The following CPAMD8 variants were observed in gnomAD, a reference collection of about 807,000 sequenced individuals.
CPAMD8 encodes the protein C3 and PZP like alpha-2-macroglobulin domain containing 8.
CPAMD8 carries 146 observed loss-of-function variants against 224.7 expected under a neutral mutation model. The ratio of observed to expected loss-of-function variants is 0.65; its 90% CI spans 0.57 to 0.75. The LOEUF (loss-of-function observed/expected upper bound fraction) is 0.75. Among genes scored for constraint, CPAMD8 ranks in the 30% least tolerant of loss-of-function variants. CPAMD8 has a pLI of 0.00. For synonymous variants in CPAMD8, 966 were observed against 1,044.6 expected, an observed-to-expected ratio of 0.92 and a Z score of 1.45; for missense variants, 2,301 against 2,537.5, an observed-to-expected ratio of 0.91 and a Z score of 2.00.
chr19:17,002,451 CCACCACCGAGGTTGA>C (rs2056358814), intron 8 of CPAMD8, 101 bp from the exon 9 acceptor site: 9 of 736,930 alleles, frequency 1.2e-5, no homozygotes, highest in Non-Finnish European at 2.2e-5. Flanking sequence ...CAGCACCTGG[CCACCACCGAGGTTGA>C]CACTGTACCC....
At chr19:16,935,265 C>T (rs2053651593) in intron 23 of CPAMD8, among the ~76,000 whole-genome samples, 1 of 152,104 alleles carries the variant, frequency 6.6e-6, no homozygotes, top group Admixed American at 6.6e-5. Context: ...CAGCTTTCTC[C>T]AATTCTATTT....
Position 16,975,194 on chromosome 19 carries a change from G to T in CPAMD8, c.1973C>A (p.Pro658His), listed in dbSNP as rs1568549646. ...DSFGVSREDG[P>H]FWWAGLTAQR... ...TGCCGTCAGCCCAGCCCACCAAAAA[G>T]GACCATCCTCCCTGGACACGCCAAA... Residue 658 changes from proline to histidine, a missense_variant, in exon 17 of 42, where the codon CCT becomes CAT. Pro to His is a moderately conservative substitution (Grantham distance 77). Coordinates refer to ENST00000443236, the MANE Select transcript of CPAMD8 (RefSeq NM_015692.5). The T allele has an allele frequency of 6.2e-7, 1 of 1,611,606 alleles. No homozygotes were observed. Among genetic ancestry groups the T allele is most frequent in the South Asian group, 1.1e-5 (1 of 90,514 alleles).
At chr19:17,022,328 C>G in intron 1 of CPAMD8, 147 bp from the exon 2 acceptor site, 2 of 845,982 alleles carry the variant, frequency 2.4e-6, no homozygotes, top group East Asian at 2.7e-5. Flanking sequence ...GAGTCTGTGC[C>G]CCCCCATCAG....
chr19:17,009,173 A>G, intron 6 of CPAMD8, 130 bp downstream of exon 6: 1 of 1,485,378 alleles, frequency 6.7e-7, no homozygotes, highest in Non-Finnish European at 9.3e-7. Flanking sequence ...AGAAGAGGCC[A>G]GGTCCCAGCC....
intron 26 of CPAMD8, among the ~76,000 whole-genome samples, chr19:16,923,785 G>A (rs1034340433): frequency 3.9e-5 from 6 of 151,978 alleles, no homozygotes; most frequent in Admixed American, 1.3e-4. Context: ...ACAACATAGC[G>A]GAACCCCATC....
At chr19:16,993,124 A>G (rs1360110551) in intron 12 of CPAMD8, among the ~76,000 whole-genome samples, 3 of 152,108 alleles carry the variant, frequency 2.0e-5, no homozygotes, top group Non-Finnish European at 4.4e-5. Context: ...AGGCTGTTCC[A>G]CCCGCCCAGA....
At chr19:16,981,315 C>T (rs1002544859) in intron 13 of CPAMD8, among the ~76,000 whole-genome samples, 2 of 151,942 alleles carry the variant, frequency 1.3e-5, no homozygotes, top group African/African-American at 4.8e-5. Flanking sequence ...GAGCCATGAT[C>T]GCACCACTGC....
At chr19:17,005,631 G>A (rs1260289901) in intron 7 of CPAMD8, among the ~76,000 whole-genome samples, 1 of 152,086 alleles carries the variant, frequency 6.6e-6, no homozygotes, top group Non-Finnish European at 1.5e-5. Flanking sequence ...AGTGTGACAC[G>A]CTCCACTCGT....
chr19:16,982,325 C>T (rs943694258), intron 13 of CPAMD8, among the ~76,000 whole-genome samples: 19 of 151,298 alleles, frequency 1.3e-4, no homozygotes, highest in East Asian at 1.9e-4. Flanking sequence ...CCAGGGAGGT[C>T]GATGTGCGGT....
At chr19:16,987,153 A>C (rs1377080933) in intron 13 of CPAMD8, among the ~76,000 whole-genome samples, 1 of 42,582 alleles carries the variant, frequency 2.3e-5, no homozygotes, top group Non-Finnish European at 4.0e-5. Flanking sequence ...AGACTCTGTC[A>C]AAAAAAAAAA....
intron 10 of CPAMD8, among the ~76,000 whole-genome samples, chr19:16,999,835 T>C (rs578118677): frequency 2.6e-5 from 4 of 152,206 alleles, no homozygotes; most frequent in Admixed American, 2.0e-4. Context: ...TTTTTGTTTT[T>C]TGTTTGTTTT....
At chr19:17,014,652 C>T (rs936306289) in intron 3 of CPAMD8, among the ~76,000 whole-genome samples, 1 of 152,070 alleles carries the variant, frequency 6.6e-6, no homozygotes, top group Admixed American at 6.5e-5. Context: ...AAGGGGTTTC[C>T]CCTTATAAAA....
chr19:16,938,462 AAGG>A lies in CPAMD8; in HGVS notation c.2794-19_2794-17del, dbSNP rs779103754. ...CTCCTTCCGCCTGAAACAAAGAAAC[AAGG>A]AGAACTGAGTGCTGGGGCGGTGAGG... is the stretch of plus-strand genomic sequence containing the variant. On this transcript the variant is annotated splice_polypyrimidine_tract_variant and intron_variant, in intron 22 of 41. Coordinates refer to ENST00000443236, the MANE Select transcript of CPAMD8 (RefSeq NM_015692.5). 1.4e-5 allele frequency: 21 copies of A among 1,544,032 alleles called. No individual in the cohort carries two copies. The East Asian group carries it at 4.8e-4, about 35-fold the overall frequency.
chr19:17,026,056 TAGC>T (rs1364002394), intron 1 of CPAMD8, among the ~76,000 whole-genome samples: 3 of 152,106 alleles, frequency 2.0e-5, no homozygotes, highest in Admixed American at 6.5e-5. Flanking sequence ...GAAGCCAACT[TAGC>T]AGTACTCCCC....
chr19:16,977,437 G>C lies in CPAMD8; in HGVS notation c.1689C>G (p.Tyr563Ter), dbSNP rs368338696. ...CGACCCCTTCTCCATTCTCCCTGACGTAGAAGACCAGCAGGCGACCAAGGG... is the reference window on the plus strand; with the variant it reads ...CGACCCCTTCTCCATTCTCCCTGACCTAGAAGACCAGCAGGCGACCAAGGG... ...MVPLGRLLVFYVRENGEGVAD... is the reference protein window; with the variant it reads ...MVPLGRLLVF The change falls in exon 15 of 42, where the codon TAC becomes TAG. Residue 563 changes from tyrosine to a stop codon, truncating the protein, a stop_gained. Transcript: ENST00000443236. LOFTEE classifies it high-confidence loss of function. 1 of 1,612,372 alleles carries C rather than the reference G, an allele frequency of 6.2e-7. No homozygotes were observed. Among genetic ancestry groups the C allele is most frequent in the Non-Finnish European group, 8.5e-7 (1 of 1,178,996 alleles).
chr19:17,002,478 T>C, intron 8 of CPAMD8, 128 bp from the exon 9 acceptor site: 1 of 622,560 alleles, frequency 1.6e-6, no homozygotes, highest in African/African-American at 1.8e-5. Context: ...ACTGTACCCA[T>C]CCACACCACT....
At chr19:16,993,757 A>AT (rs1391963485) in intron 11 of CPAMD8, among the ~76,000 whole-genome samples, 171 bp from the exon 12 acceptor site, 1 of 152,164 alleles carries the variant, frequency 6.6e-6, no homozygotes, top group Non-Finnish European at 1.5e-5. Context: ...CGCAAAAACA[A>AT]TCCTTAAAGG....
At chr19:16,906,864 T>G in intron 30 of CPAMD8, 88 bp downstream of exon 30, 2 of 1,301,574 alleles carry the variant, frequency 1.5e-6, no homozygotes, top group Non-Finnish European at 2.1e-6. Flanking sequence ...ACTCGTCAGT[T>G]GTGATAAATA....
chr19:17,016,025 C>T (rs759278564), intron 3 of CPAMD8, among the ~76,000 whole-genome samples: 3 of 152,202 alleles, frequency 2.0e-5, no homozygotes, highest in Non-Finnish European at 4.4e-5. Flanking sequence ...CTCACTGCAA[C>T]CTCGATCTCC....
Sources: gnomAD v4.1 joint callset for allele counts (sites outside exome capture counted in the v4.1 genomes callset) on GRCh38, gnomAD v4.1.1 for gene constraint, MANE v1.5 for transcripts, NCBI Gene and HGNC (gene_info 2026-07-23, HGNC 2026-07-21) for gene names.